Variants in IGDCC4 observed in about 807,000 individuals in gnomAD.
IGDCC4 encodes the protein likely ortholog of mouse neighbor of Punc E11.
Under a neutral mutation model 116.6 loss-of-function variants are expected in IGDCC4, and 72 were observed. That is an observed-to-expected ratio of 0.62 (90% CI 0.51 to 0.75). The LOEUF (loss-of-function observed/expected upper bound fraction) is 0.75, where lower values mean the gene tolerates loss of function less well. Among genes scored for constraint, IGDCC4 ranks in the 30% least tolerant of loss-of-function variants. IGDCC4 has a pLI of 0.00. For missense variants in IGDCC4, 1,501 were observed against 1,662.4 expected (o/e 0.90, Z 1.69); for synonymous variants, 709 against 719.9 (o/e 0.98, Z 0.24).
intron 3 of IGDCC4, among the ~76,000 whole-genome samples, chr15:65,403,459 G>A (rs2063009373): frequency 6.6e-6 from 1 of 152,050 alleles, no homozygotes. Flanking sequence ...TTTACCCCTT[G>A]CCCATACTAC....
intron 1 of IGDCC4, among the ~76,000 whole-genome samples, chr15:65,414,411 C>G (rs75147395): frequency 0.027 from 4,100 of 152,306 alleles, 184 homozygotes; most frequent in African/African-American, 0.094. Context: ...GGCATTCACA[C>G]TACTGCGGGC....
intron 17 of IGDCC4, among the ~76,000 whole-genome samples, chr15:65,386,327 G>C (rs1049852913): frequency 6.6e-6 from 1 of 152,222 alleles, no homozygotes; most frequent in African/African-American, 2.4e-5. Flanking sequence ...TGGGAGTGAG[G>C]CAGTTCTGTT....
At chr15:65,419,785 C>T (rs2063173884) in intron 1 of IGDCC4, among the ~76,000 whole-genome samples, 1 of 152,320 alleles carries the variant, frequency 6.6e-6, no homozygotes. Context: ...GAGAGCCCCA[C>T]CTTTGTGCGT....
chr15:65,390,244 T>C lies in IGDCC4; in HGVS notation c.2319A>G (p.Pro773=). ...TGACAATCTTGACTGTGGTGAAATC[T>C]GGCTTTTTCCACCGAAGCCAGATGG... is the stretch of plus-strand genomic sequence containing the variant. ...STSIWLRWKK[P]DFTTVKIVNY... Residue 773 remains proline (P), a synonymous_variant, in exon 13 of 20, where the codon CCA becomes CCG. Coordinates refer to ENST00000352385, the MANE Select transcript of IGDCC4 (RefSeq NM_020962.3). The C allele has an allele frequency of 6.2e-7, 1 of 1,613,556 alleles. No homozygotes were observed. Among genetic ancestry groups the C allele is most frequent in the Non-Finnish European group, 8.5e-7 (1 of 1,179,536 alleles).
chr15:65,394,366 T>A (rs779692691), intron 9 of IGDCC4, 45 bp downstream of exon 9: 1 of 1,609,544 alleles, frequency 6.2e-7, no homozygotes, highest in Non-Finnish European at 8.5e-7. Flanking sequence ...GCTCTTCACG[T>A]TGATCATTCC....
Position 65,390,325 on chromosome 15 carries a change from C to G in IGDCC4, c.2238G>C (p.Gln746His). The change falls in exon 13 of 20, where the codon CAG becomes CAC. Residue 746 changes from glutamine to histidine, a missense_variant. Physicochemically the swap from Gln to His is conservative, Grantham distance 24 (BLOSUM62 0). Around this residue, in one of 3 missense-constraint regions of IGDCC4, gnomAD observed 235 missense variants for 328.0 expected, o/e 0.72. Transcript: ENST00000352385. ...GGGCTGGAGGCAGGGGTGGTCCCCT[C>G]TGGATAGGCATGTCTGAAAGGTGAA... ...EKAPAPDMPI[Q>H]RGPPLPPAHV... 6.2e-7 allele frequency: 1 copy of G among 1,600,158 alleles called. No individual in the cohort carries two copies. Among genetic ancestry groups the G allele is most frequent in the South Asian group, 1.1e-5 (1 of 90,360 alleles).
rs1294801707 is a variant in IGDCC4, at chr15:65,386,534, C to T, written c.2951+17G>A. 1.3e-6 allele frequency: 2 copies of T among 1,581,164 alleles called. No homozygotes were observed. ...GAAGTCTCCCTTCCCTGAAGTCAGACTGGCTCCCCTGCTCACCTGTGGGGG... is the reference window on the plus strand; with the variant it reads ...GAAGTCTCCCTTCCCTGAAGTCAGATTGGCTCCCCTGCTCACCTGTGGGGG... On this transcript the variant is annotated intron_variant, in intron 17 of 19. Transcript: ENST00000352385.
intron 4 of IGDCC4, among the ~76,000 whole-genome samples, 163 bp downstream of exon 4, chr15:65,402,188 T>C (rs1595786834): frequency 6.6e-6 from 1 of 152,360 alleles, no homozygotes; most frequent in Non-Finnish European, 1.5e-5. Context: ...TCTGGTTTGC[T>C]GGGTGGCAGT....
In IGDCC4 at chr15:65,396,824, C is replaced by T; in HGVS notation, c.997+10G>A. The T allele has an allele frequency of 6.4e-7, 1 of 1,558,944 alleles. No individual in the cohort carries two copies. The highest frequency in any genetic ancestry group is 8.7e-7 in the Non-Finnish European group (1 of 1,151,420). ...CTAACCCGCTCCCTCCGCCCTTCGG[C>T]CCGCCTCACCCAGCACACGGAGCTC... On this transcript the variant is annotated intron_variant, in intron 6 of 19. Transcript: ENST00000352385.
At chr15:65,406,032 T>C (rs943192705) in intron 3 of IGDCC4, among the ~76,000 whole-genome samples, 1 of 152,154 alleles carries the variant, frequency 6.6e-6, no homozygotes, top group Admixed American at 6.5e-5. Context: ...TCACATGAGA[T>C]TGACAGAAAT....
intron 17 of IGDCC4, 91 bp from the exon 18 acceptor site, chr15:65,386,150 T>A: frequency 7.5e-6 from 6 of 800,938 alleles, no homozygotes; most frequent in South Asian, 1.8e-5. Context: ...TCTGGGGAGG[T>A]TCCTGCCCAT....
intron 3 of IGDCC4, 132 bp from the exon 4 acceptor site, chr15:65,402,619 A>G: frequency 8.1e-7 from 1 of 1,235,308 alleles, no homozygotes; most frequent in Non-Finnish European, 1.1e-6. Context: ...CTATAATCCC[A>G]GCACTTTGGG....
At chr15:65,398,025 T>C (rs940069618) in intron 5 of IGDCC4, among the ~76,000 whole-genome samples, 9 of 152,254 alleles carry the variant, frequency 5.9e-5, no homozygotes, top group Admixed American at 1.3e-4. Flanking sequence ...GAAATGCTTA[T>C]GGTATACTGT....
chr15:65,404,182 G>T (rs948158907), intron 3 of IGDCC4, among the ~76,000 whole-genome samples: 5 of 152,150 alleles, frequency 3.3e-5, no homozygotes, highest in Non-Finnish European at 7.4e-5. Context: ...CTACAAACCT[G>T]CTGTGGCCCA....
chr15:65,402,598 G>C (rs2062999424), intron 3 of IGDCC4, 111 bp from the exon 4 acceptor site: 20 of 1,374,056 alleles, frequency 1.5e-5, no homozygotes, highest in Admixed American at 4.5e-5. Flanking sequence ...GCTGGGCGCA[G>C]TGGCTCACGC....
At chr15:65,422,720 C>T (rs2063204873) in intron 1 of IGDCC4, 73 bp downstream of exon 1, 1 of 1,184,820 alleles carries the variant, frequency 8.4e-7, no homozygotes, top group Admixed American at 4.5e-5. Flanking sequence ...AGCCCCGCAG[C>T]CCGATGCAGA....
chr15:65,400,683 C>A, intron 5 of IGDCC4, 123 bp downstream of exon 5: 4 of 1,240,068 alleles, frequency 3.2e-6, no homozygotes, highest in Non-Finnish European at 4.4e-6. Flanking sequence ...GAAAGGAGTT[C>A]GTGCCACACC....
chr15:65,397,061 G>T, intron 5 of IGDCC4, 72 bp from the exon 6 acceptor site: 1 of 1,513,860 alleles, frequency 6.6e-7, no homozygotes, highest in South Asian at 1.2e-5. Flanking sequence ...CCGAACCTCA[G>T]GAACACTCTG....
At chr15:65,405,478 A>G (rs537054884) in intron 3 of IGDCC4, among the ~76,000 whole-genome samples, 1 of 152,376 alleles carries the variant, frequency 6.6e-6, no homozygotes, top group African/African-American at 2.4e-5. Flanking sequence ...GATTTTAGCA[A>G]GTGACATTCT....
Sources: gnomAD v4.1 joint callset for allele counts (sites outside exome capture counted in the v4.1 genomes callset) on GRCh38, gnomAD v4.1.1 for gene constraint, gnomAD v4.1.1 regional missense constraint, MANE v1.5 for transcripts, NCBI Gene and HGNC (gene_info 2026-07-23, HGNC 2026-07-21) for gene names.